The following CACNA1C variants were observed in gnomAD, a reference collection of about 807,000 sequenced individuals.
CACNA1C encodes voltage-dependent L-type calcium channel subunit alpha-1C.
CACNA1C carries 30 observed loss-of-function variants against 229.0 expected under a neutral mutation model. The observed-to-expected ratio is 0.13, with a 90% CI of 0.10 to 0.18. CACNA1C has a LOEUF of 0.18. Among genes scored for constraint, CACNA1C ranks in the 10% least tolerant of loss-of-function variants. The probability of loss-of-function intolerance (pLI) is 1.00; values close to 1 mark genes in which losing one functional copy is unlikely to be tolerated. For synonymous variants in CACNA1C, 1,114 were observed against 1,132.5 expected, an observed-to-expected ratio of 0.98 and a Z score of 0.33; for missense variants, 1,658 against 2,845.0, an observed-to-expected ratio of 0.58 and a Z score of 9.49.
At chr12:2,179,819 C>G (rs1162906654) in intron 3 of CACNA1C, among the ~76,000 whole-genome samples, 1 of 152,232 alleles carries the variant, frequency 6.6e-6, no homozygotes, top group East Asian at 1.9e-4. Context: ...AGCCTGCTCT[C>G]AGGAAGAGCT....
At chr12:2,430,330 A>G (rs1343847022) in intron 3 of CACNA1C, among the ~76,000 whole-genome samples, 1 of 152,230 alleles carries the variant, frequency 6.6e-6, no homozygotes, top group Non-Finnish European at 1.5e-5. Flanking sequence ...GCTATGTTTC[A>G]TTCCATGAAC....
At chr12:2,164,333 C>T (rs373075855) in intron 3 of CACNA1C, among the ~76,000 whole-genome samples, 23 of 152,276 alleles carry the variant, frequency 1.5e-4, no homozygotes, top group Admixed American at 9.8e-4. Flanking sequence ...TTGTGGAGGG[C>T]GTAGAAAACA....
intron 1 of CACNA1C, among the ~76,000 whole-genome samples, chr12:2,030,551 T>C (rs1230546111): frequency 6.6e-6 from 1 of 152,252 alleles, no homozygotes; most frequent in Non-Finnish European, 1.5e-5. Context: ...TGCAGTGGGC[T>C]GCTCCACGGC....
At chr12:2,141,543 C>G (rs986112379) in intron 3 of CACNA1C, among the ~76,000 whole-genome samples, 1 of 151,396 alleles carries the variant, frequency 6.6e-6, no homozygotes, top group East Asian at 1.9e-4. Context: ...GGCCATCCAG[C>G]CTTCATTTCC....
rs1430556861 is a variant in CACNA1C, at chr12:2,651,302, C to T, written c.3946-338C>T. On this transcript the variant is annotated intron_variant, in intron 31 of 46. Transcript: ENST00000399655. This position sits in a 1 kb window ranked among gnomAD's most constrained non-coding sequence, Gnocchi z 5.4. ...GTTCCCAGGGCAGCTGGCTCTGGGC[C>T]TAGAAGATTCCAAAGCCTATGGTAG... The T allele has an allele frequency of 7.3e-6, 3 of 411,768 alleles. No homozygotes were observed. Among genetic ancestry groups the T allele is most frequent in the Non-Finnish European group, 1.3e-5 (3 of 228,506 alleles). The allele number at this position is 411,768 out of a possible 1,614,324, so 25.5% of individuals were successfully genotyped here. A position where few individuals can be genotyped will look rare whatever the true frequency, so the allele number is the denominator to read the frequency against.
At chr12:2,367,907 C>T (rs913889095) in intron 3 of CACNA1C, among the ~76,000 whole-genome samples, 1 of 151,894 alleles carries the variant, frequency 6.6e-6, no homozygotes, top group Non-Finnish European at 1.5e-5. Context: ...TTAGCATTAT[C>T]TTGACAAAGA....
chr12:2,091,377 G>A (rs1217893222), intron 1 of CACNA1C, among the ~76,000 whole-genome samples: 1 of 152,190 alleles, frequency 6.6e-6, no homozygotes, highest in African/African-American at 2.4e-5. Flanking sequence ...AAACAACACA[G>A]TTTTATTATC....
In CACNA1C at chr12:2,664,946, G is replaced by T. The variant is rs746912695; in HGVS notation, c.4354G>T (p.Ala1452Ser). 1 of 1,614,188 alleles carries T rather than the reference G, an allele frequency of 6.2e-7. No homozygotes were observed. The highest frequency in any genetic ancestry group is 8.5e-7 in the Non-Finnish European group (1 of 1,180,012). ...EGETPCGSSFAVFYFISFYML... is the reference protein window; with the variant it reads ...EGETPCGSSFSVFYFISFYML... ...TGAAACACCCTGTGGTAGCAGCTTT[G>T]CTGTCTTCTACTTCATCAGCTTCTA... Residue 1452 changes from alanine (A) to serine (S), a missense_variant, in exon 35 of 47, where the codon GCT becomes TCT. This residue lies in a region of CACNA1C where 151 missense variants were observed against 344.4 expected (regional missense o/e 0.44). Coordinates refer to ENST00000399655, the MANE Select transcript of CACNA1C (RefSeq NM_000719.7).
At chr12:2,380,030 CAAA>C (rs1172016514) in intron 3 of CACNA1C, among the ~76,000 whole-genome samples, 1 of 80,150 alleles carries the variant, frequency 1.2e-5, no homozygotes, top group East Asian at 3.7e-4. Context: ...GACTCCGTCT[CAAA>C]AAAAAAAAAA....
upstream of CACNA1C, among the ~76,000 whole-genome samples, chr12:2,052,253 G>A (rs1261752750): frequency 6.6e-6 from 1 of 152,172 alleles, no homozygotes; most frequent in Non-Finnish European, 1.5e-5. Context: ...CTAGGAATCT[G>A]TTCAGACATC....
chr12:2,641,476 T>C, intron 30 of CACNA1C: 1 of 547,014 alleles, frequency 1.8e-6, no homozygotes, highest in Admixed American at 3.2e-5. Flanking sequence ...GACAGCTGGG[T>C]GGGGCAGAGG....
intron 1 of CACNA1C, among the ~76,000 whole-genome samples, chr12:2,068,999 A>G (rs11062103): frequency 0.2 from 30,483 of 152,200 alleles, 3,187 homozygotes; most frequent in African/African-American, 0.27. Context: ...TACTCAGACA[A>G]CTGGTCCTCT....
At chr12:2,150,637 A>C (rs1179086132) in intron 3 of CACNA1C, among the ~76,000 whole-genome samples, 2 of 152,204 alleles carry the variant, frequency 1.3e-5, no homozygotes, top group East Asian at 1.9e-4. Flanking sequence ...GTTCTGATGA[A>C]AGGGGCATTT....
At chr12:2,489,165 G>A (rs146453042) in intron 6 of CACNA1C, among the ~76,000 whole-genome samples, 5 of 151,778 alleles carry the variant, frequency 3.3e-5, no homozygotes, top group African/African-American at 7.3e-5. Flanking sequence ...CCTATTTTCC[G>A]CAAATTTAGA....
chr12:2,565,878 G>A (rs991016036), intron 11 of CACNA1C, among the ~76,000 whole-genome samples: 10 of 152,286 alleles, frequency 6.6e-5, no homozygotes, highest in East Asian at 3.9e-4. Flanking sequence ...AGAAAACTAC[G>A]GATGGCTCTG....
intron 1 of CACNA1C, among the ~76,000 whole-genome samples, chr12:2,021,094 A>G (rs1373445829): frequency 1.3e-5 from 2 of 152,230 alleles, no homozygotes; most frequent in Non-Finnish European, 1.5e-5. Context: ...CTTCCTAATC[A>G]CTAATTATCA....
chr12:2,285,102 C>T lies in CACNA1C; in HGVS notation c.478-163874C>T, dbSNP rs770963427. 7.9e-5 allele frequency among the ~76,000 whole-genome samples: 12 copies of T among 152,314 alleles called. No homozygotes were observed. Among genetic ancestry groups the T allele is most frequent in the South Asian group, 6.2e-4 (3 of 4,824 alleles). ...GGAGGGACGGGCCGCTAAGTGCTGA[C>T]GGCAGCCTGTCACTCACACCTTGCT... On this transcript the variant is annotated intron_variant, in intron 3 of 46. Coordinates refer to ENST00000399655, the MANE Select transcript of CACNA1C (RefSeq NM_000719.7). This position sits in a 1 kb window ranked among gnomAD's most constrained non-coding sequence, Gnocchi z 4.2.
chr12:2,665,598 A>T lies in CACNA1C; in HGVS notation c.4416A>T (p.Val1472=), dbSNP rs1282827731. 2 of 1,613,710 alleles carry T rather than the reference A, an allele frequency of 1.2e-6. No homozygotes were observed. The highest frequency in any genetic ancestry group is 2.2e-5 in the South Asian group (2 of 91,078). Residue 1472 remains valine, a synonymous_variant, in exon 36 of 47, where the codon GTA becomes GTT. Transcript: ENST00000399655. The surrounding 1 kb of genome is among the most constrained non-coding windows in gnomAD (Gnocchi z 5.9). ...LCAFLIINLF[V]AVIMDNFDYL... ...CCCCACAGATCATCAACCTCTTTGT[A>T]GCTGTCATCATGGACAACTTTGACT...
chr12:2,666,905 G>A lies in CACNA1C; in HGVS notation c.4623+123G>A. On this transcript the variant is annotated intron_variant, in intron 37 of 46. Transcript: ENST00000399655. This position sits in a 1 kb window ranked among gnomAD's most constrained non-coding sequence, Gnocchi z 5.3. ...TGTGCCTAAAGATTACATTTTAAGGGTCCTTCCAGCTCTAAATTCTCAGAC... is the reference window on the plus strand; with the variant it reads ...TGTGCCTAAAGATTACATTTTAAGGATCCTTCCAGCTCTAAATTCTCAGAC... 1 of 685,082 alleles carries A rather than the reference G, an allele frequency of 1.5e-6. No homozygotes were observed. 42.4% of individuals were successfully genotyped at this position (685,082 alleles called of 1,614,324 possible).
Sources: gnomAD v4.1 joint callset for allele counts (sites outside exome capture counted in the v4.1 genomes callset) on GRCh38, gnomAD v4.1.1 for gene constraint, gnomAD v4.1.1 regional missense constraint, Gnocchi (gnomAD v3.1) non-coding constraint, MANE v1.5 for transcripts, NCBI Gene and HGNC (gene_info 2026-07-23, HGNC 2026-07-21) for gene names.